The following LY9 variants were observed in gnomAD, a reference collection of about 807,000 sequenced individuals.
LY9 encodes the protein lymphocyte antigen 9.
Under a neutral mutation model 64.6 loss-of-function variants are expected in LY9, and 59 were observed. The observed-to-expected ratio is 0.91, with a 90% CI of 0.74 to 1.13. The LOEUF (loss-of-function observed/expected upper bound fraction) is 1.13. LY9 is among the 50% of genes most tolerant of loss of function. The probability of loss-of-function intolerance (pLI) is 0.00; values close to 1 mark genes in which losing one functional copy is unlikely to be tolerated. For synonymous variants in LY9, 281 were observed against 308.5 expected, an observed-to-expected ratio of 0.91 and a Z score of 0.93; for missense variants, 789 against 797.2, an observed-to-expected ratio of 0.99 and a Z score of 0.12.
At chr1:160,815,903 T>G (rs1667913199) in intron 4 of LY9, among the ~76,000 whole-genome samples, 1 of 152,208 alleles carries the variant, frequency 6.6e-6, no homozygotes, top group Non-Finnish European at 1.5e-5. Flanking sequence ...TTTGCATGGT[T>G]TATGTTTACC....
At chr1:160,815,515 T>G (rs561602381) in intron 4 of LY9, among the ~76,000 whole-genome samples, 2 of 152,206 alleles carry the variant, frequency 1.3e-5, no homozygotes, top group South Asian at 4.2e-4. Flanking sequence ...GCCTCCCAAG[T>G]AGCTGGGACT....
chr1:160,812,941 C>T (rs506263), intron 2 of LY9: 47,025 of 151,838 alleles, frequency 0.31, 7,382 homozygotes, highest in South Asian at 0.41. Context: ...AAAAATTAGC[C>T]GGGTGTGGTG....
chr1:160,816,924 C>A (rs903358705), intron 5 of LY9, 61 bp downstream of exon 5: 1 of 1,552,564 alleles, frequency 6.4e-7, no homozygotes, highest in Non-Finnish European at 8.8e-7. Flanking sequence ...GAGTTTGCAT[C>A]CTGACTGATT....
intron 9 of LY9, among the ~76,000 whole-genome samples, chr1:160,825,860 A>T (rs768084209): frequency 6.6e-6 from 1 of 152,160 alleles, no homozygotes; most frequent in Non-Finnish European, 1.5e-5. Flanking sequence ...CGGTGAGCAG[A>T]GATCACACCA....
intron 7 of LY9, among the ~76,000 whole-genome samples, chr1:160,822,925 A>T (rs373722088): frequency 6.6e-6 from 1 of 152,208 alleles, no homozygotes; most frequent in African/African-American, 2.4e-5. Context: ...TCCTCCACCT[A>T]GAATACCCTT....
chr1:160,801,831 G>T, intron 2 of LY9: 1 of 1,614,152 alleles, frequency 6.2e-7, no homozygotes, highest in South Asian at 1.1e-5. Context: ...CATCGAGGGT[G>T]ACCACCGCAC....
intron 2 of LY9, among the ~76,000 whole-genome samples, chr1:160,807,711 G>C (rs1249889096): frequency 1.3e-5 from 2 of 152,176 alleles, no homozygotes; most frequent in African/African-American, 4.8e-5. Flanking sequence ...GGGCAGACCA[G>C]TCTCCAGGAC....
At chr1:160,810,005 A>T (rs1005418349) in intron 2 of LY9, 1 of 152,004 alleles carries the variant, frequency 6.6e-6, no homozygotes, top group Admixed American at 6.5e-5. Flanking sequence ...TTGGCCCCCG[A>T]GGAAGTTGGG....
chr1:160,797,385 G>GGACCTCAGCT, intron 1 of LY9: 1 of 588,464 alleles, frequency 1.7e-6, no homozygotes, highest in Non-Finnish European at 2.1e-6. Flanking sequence ...AGACCTCAGA[G>GGACCTCAGCT]CTGAGGTCCA....
At chr1:160,806,401 G>A (rs112341816) in intron 2 of LY9, among the ~76,000 whole-genome samples, 254 of 152,182 alleles carry the variant, frequency 1.7e-3, no homozygotes, top group African/African-American at 5.6e-3. Context: ...TTGCTTCTGG[G>A]TTTAGGATTC....
intron 2 of LY9, chr1:160,802,337 G>A (rs1666575861): frequency 4.0e-6 from 4 of 988,640 alleles, no homozygotes; most frequent in Non-Finnish European, 4.8e-6. Flanking sequence ...TGCAGGCGCG[G>A]GAGGCCATCC....
chr1:160,823,908 G>C (rs1312705353), intron 8 of LY9, 112 bp downstream of exon 8: 2 of 884,088 alleles, frequency 2.3e-6, no homozygotes, highest in East Asian at 5.0e-5. Context: ...AACAGGACTA[G>C]GGGCATACGG....
chr1:160,818,397 A>G, intron 6 of LY9, 78 bp downstream of exon 6: 2 of 1,058,972 alleles, frequency 1.9e-6, no homozygotes, highest in Non-Finnish European at 2.9e-6. Flanking sequence ...CTGCCCTCAC[A>G]CAATCCCGTG....
chr1:160,816,176 A>G (rs1667932921), intron 4 of LY9, among the ~76,000 whole-genome samples: 1 of 152,238 alleles, frequency 6.6e-6, no homozygotes, highest in Non-Finnish European at 1.5e-5. Context: ...ACTCTGTGTC[A>G]GGTACAGCGC....
chr1:160,825,820 G>T (rs1348195299), intron 9 of LY9, among the ~76,000 whole-genome samples: 2 of 152,090 alleles, frequency 1.3e-5, no homozygotes, highest in Non-Finnish European at 2.9e-5. Flanking sequence ...TGAGGCAGGA[G>T]AATTGCTTGA....
chr1:160,817,217 G>A (rs776919263), intron 5 of LY9, among the ~76,000 whole-genome samples: 1 of 152,090 alleles, frequency 6.6e-6, no homozygotes, highest in African/African-American at 2.4e-5. Flanking sequence ...AGCACGTCTC[G>A]ATTCCGATGC....
Position 160,813,738 on chromosome 1 carries a change from G to C in LY9, c.557G>C (p.Ser186Thr), listed in dbSNP as rs1010716482. 1.7e-5 allele frequency: 28 copies of C among 1,614,078 alleles called. No homozygotes were observed. The highest frequency in any genetic ancestry group is 2.3e-5 in the Non-Finnish European group (27 of 1,180,040). Residue 186 changes from serine (S) to threonine (T), a missense_variant, in exon 3 of 10, where the codon AGT becomes ACT. Coordinates refer to ENST00000263285, the MANE Select transcript of LY9 (RefSeq NM_002348.4). ...LMCSVKGAEK[S>T]VLYSWTPREP... ...TGCTCCGTGAAGGGGGCAGAGAAAA[G>C]TGTTCTGTACAGCTGGACCCCAAGG...
chr1:160,819,808 A>C (rs1668248919), intron 7 of LY9, among the ~76,000 whole-genome samples: 1 of 111,116 alleles, frequency 9.0e-6, no homozygotes, highest in Non-Finnish European at 1.9e-5. Context: ...AAAAAAAAAA[A>C]CAGAAAGAGA....
intron 2 of LY9, chr1:160,802,847 T>TTA (rs1286938875): frequency 1.0e-5 from 2 of 199,408 alleles, no homozygotes; most frequent in African/African-American, 4.7e-5. Context: ...GTGTCTATTT[T>TTA]TATAACACCA....
Sources: gnomAD v4.1 joint callset for allele counts (sites outside exome capture counted in the v4.1 genomes callset) on GRCh38, gnomAD v4.1.1 for gene constraint, MANE v1.5 for transcripts, NCBI Gene and HGNC (gene_info 2026-07-23, HGNC 2026-07-21) for gene names.